Variants in SWT1 observed in about 807,000 individuals in gnomAD.
The protein encoded by SWT1 is SWT1 RNA endoribonuclease homolog.
A neutral mutation model predicts 107.3 loss-of-function variants in SWT1; 33 were observed. The ratio of observed to expected loss-of-function variants is 0.31; its 90% CI spans 0.23 to 0.41. The LOEUF (loss-of-function observed/expected upper bound fraction) is 0.41. Ranked by LOEUF, SWT1 falls within the 10% of genes least tolerant of loss-of-function variation. SWT1 has a pLI of 1.00. For synonymous variants in SWT1, 345 were observed against 348.3 expected, an observed-to-expected ratio of 0.99 and a Z score of 0.11; for missense variants, 898 against 1,028.9, an observed-to-expected ratio of 0.87 and a Z score of 1.74.
At chr1:185,260,883 T>C (rs922764627) in intron 16 of SWT1, among the ~76,000 whole-genome samples, 1 of 151,922 alleles carries the variant, frequency 6.6e-6, no homozygotes, top group Non-Finnish European at 1.5e-5. Flanking sequence ...TAATGACACA[T>C]GAAATTTTTC....
At chr1:185,255,345 C>A (rs1218620773) in intron 16 of SWT1, among the ~76,000 whole-genome samples, 7 of 146,470 alleles carry the variant, frequency 4.8e-5, no homozygotes, top group African/African-American at 1.8e-4. Context: ...TGTTGACTTT[C>A]TGTCACGTTG....
intron 16 of SWT1, chr1:185,262,401 C>A (rs1663083950): frequency 6.6e-6 from 1 of 152,194 alleles, no homozygotes; most frequent in African/African-American, 2.4e-5. Context: ...AAGCATAATG[C>A]TAGAAAGCAA....
In SWT1 at chr1:185,168,322, T is replaced by TAAATGATAGAA; in HGVS notation, c.166-18_166-17insAAATGATAGAA. The TAAATGATAGAA allele has an allele frequency of 1.5e-6, 2 of 1,308,684 alleles. No individual in the cohort carries two copies. The highest frequency in any genetic ancestry group is 1.0e-6 in the Non-Finnish European group (1 of 977,710). The allele number at this position is 1,308,684 out of a possible 1,614,324, so 81.1% of individuals were successfully genotyped here. A position where few individuals can be genotyped will look rare whatever the true frequency, so the allele number is the denominator to read the frequency against. On this transcript the variant is annotated splice_polypyrimidine_tract_variant and intron_variant, in intron 3 of 18. Transcript: ENST00000367500. ...GTACCAGTGCACAATTTATGTGTCC[T>TAAATGATAGAA]TTTTTTATTTATTTCAGAAATCAGA...
chr1:185,221,889 T>C lies in SWT1; in HGVS notation c.2162T>C (p.Val721Ala). The C allele has an allele frequency of 6.2e-7, 1 of 1,605,006 alleles. No homozygotes were observed. The highest frequency in any genetic ancestry group is 8.5e-7 in the Non-Finnish European group (1 of 1,177,220). Reference protein sequence around the residue: ...KLKPNSSENTVTKKQEGTSLK... With the variant: ...KLKPNSSENTATKKQEGTSLK... ...AAGCCAAATTCTTCAGAAAACACAGTGACTAAAAAGCAGGAAGGTACTTCA... is the reference window on the plus strand; with the variant it reads ...AAGCCAAATTCTTCAGAAAACACAGCGACTAAAAAGCAGGAAGGTACTTCA... Residue 721 changes from valine to alanine, a missense_variant, in exon 15 of 19, where the codon GTG becomes GCG. Val to Ala is a moderately conservative substitution (Grantham distance 64, BLOSUM62 0). Coordinates refer to ENST00000367500, the MANE Select transcript of SWT1 (RefSeq NM_017673.7).
At chr1:185,182,338 C>T (rs1350665554) in intron 7 of SWT1, among the ~76,000 whole-genome samples, 1 of 152,044 alleles carries the variant, frequency 6.6e-6, no homozygotes, top group Non-Finnish European at 1.5e-5. Flanking sequence ...GCTGTTATAA[C>T]TTTAACAATT....
chr1:185,182,134 T>C (rs1415588398), intron 7 of SWT1, 77 bp downstream of exon 7: 1 of 1,411,932 alleles, frequency 7.1e-7, no homozygotes, highest in Non-Finnish European at 9.6e-7. Flanking sequence ...ATTTTTATAA[T>C]ATTTAGATGA....
intron 5 of SWT1, among the ~76,000 whole-genome samples, chr1:185,175,934 A>G (rs1369084988): frequency 1.3e-5 from 2 of 152,216 alleles, no homozygotes; most frequent in Non-Finnish European, 2.9e-5. Context: ...ACTTAATAAG[A>G]GAATACACAG....
chr1:185,268,561 G>A (rs1663569227), intron 16 of SWT1, among the ~76,000 whole-genome samples: 1 of 152,140 alleles, frequency 6.6e-6, no homozygotes, highest in Non-Finnish European at 1.5e-5. Flanking sequence ...AATAGTTGTT[G>A]AATGAGAGAA....
chr1:185,208,124 A>G (rs1658479886), intron 13 of SWT1, among the ~76,000 whole-genome samples: 1 of 152,210 alleles, frequency 6.6e-6, no homozygotes, highest in Non-Finnish European at 1.5e-5. Context: ...AGGCCAGATA[A>G]TGAAGAATAG....
intron 1 of SWT1, among the ~76,000 whole-genome samples, chr1:185,158,204 C>A (rs1653801812): frequency 6.6e-6 from 1 of 152,124 alleles, no homozygotes; most frequent in Admixed American, 6.5e-5. Flanking sequence ...GATTATTTGG[C>A]ACTTTGAAGC....
chr1:185,241,565 AT>A (rs1292627057), intron 16 of SWT1, among the ~76,000 whole-genome samples: 4 of 152,110 alleles, frequency 2.6e-5, no homozygotes, highest in Non-Finnish European at 5.9e-5. Context: ...GTAAAAAATA[AT>A]TTTATTTTTT....
chr1:185,186,218 A>C (rs1656451852), intron 9 of SWT1, among the ~76,000 whole-genome samples: 1 of 152,182 alleles, frequency 6.6e-6, no homozygotes, highest in South Asian at 2.1e-4. Context: ...ATGCAGATTG[A>C]TAAGACTCAT....
intron 10 of SWT1, among the ~76,000 whole-genome samples, chr1:185,192,154 C>T (rs1019311192): frequency 2.0e-5 from 3 of 152,186 alleles, no homozygotes; most frequent in African/African-American, 7.2e-5. Flanking sequence ...CTTACATTTA[C>T]AATCATATGT....
At chr1:185,182,101 A>G (rs777700346) in intron 7 of SWT1, 44 bp downstream of exon 7, 16 of 1,561,972 alleles carry the variant, frequency 1.0e-5, no homozygotes, top group African/African-American at 1.4e-5. Context: ...ATGCTTTCCT[A>G]AAAATTAATG....
Position 185,267,240 on chromosome 1 carries a change from G to A in SWT1, c.2442-4083G>A, listed in dbSNP as rs1663471859. Among the ~76,000 whole-genome samples, 3 of 152,164 alleles carry A rather than the reference G, an allele frequency of 2.0e-5. No homozygotes were observed. In the South Asian group the frequency reaches 6.2e-4, roughly 31 times the overall value. On this transcript the variant is annotated intron_variant, in intron 16 of 18. Coordinates refer to ENST00000367500, the MANE Select transcript of SWT1 (RefSeq NM_017673.7). ...CTATGTTGTGCTAAACACTGTAGAT[G>A]CATTACTTAATTCGAACGGTAACTT...
In SWT1 at chr1:185,202,896, A is replaced by G. The variant is rs977981206; in HGVS notation, c.1669+97A>G. The G allele has an allele frequency of 1.4e-5, 9 of 626,644 alleles. No homozygotes were observed. The African/African-American group carries it at 1.7e-4, about 12-fold the overall frequency. 38.8% of individuals were successfully genotyped at this position (626,644 alleles called of 1,614,324 possible). A position where few individuals can be genotyped will look rare whatever the true frequency, so the allele number is the denominator to read the frequency against. On this transcript the variant is annotated intron_variant, in intron 11 of 18. Transcript: ENST00000367500. ...TCGATAGTAAATTTTTATTTTGTAC[A>G]TTTAAAATAACATCGTTTGGAATAC...
At chr1:185,274,196 T>G (rs543211805) in intron 17 of SWT1, among the ~76,000 whole-genome samples, 1 of 150,802 alleles carries the variant, frequency 6.6e-6, no homozygotes, top group Non-Finnish European at 1.5e-5. Context: ...GAAAAAAATT[T>G]AAAAATTAAA....
rs754583521 is a variant in SWT1 at position 185,184,789 on chromosome 1, G to A, written c.1287G>A (p.Glu429=). ...TAATTCCCTGGGTCGTTATGCAAGA[G>A]CTAGATCGTATGAAGGAAGGAAAAC... ...VLIIPWVVMQ[E]LDRMKEGKLL... The change falls in exon 9 of 19, where the codon GAG becomes GAA. Residue 429 remains glutamate, a synonymous_variant. Coordinates refer to ENST00000367500, the MANE Select transcript of SWT1 (RefSeq NM_017673.7). The A allele has an allele frequency of 1.2e-5, 19 of 1,608,852 alleles. No individual in the cohort carries two copies. The highest frequency in any genetic ancestry group is 8.1e-5 in the African/African-American group (6 of 74,512).
At chr1:185,188,231 ATAAC>A (rs1656664479) in intron 9 of SWT1, among the ~76,000 whole-genome samples, 1 of 152,216 alleles carries the variant, frequency 6.6e-6, no homozygotes, top group Non-Finnish European at 1.5e-5. Flanking sequence ...TATTTATTGA[ATAAC>A]TAAAGATTTC....
Sources: gnomAD v4.1 joint callset for allele counts (sites outside exome capture counted in the v4.1 genomes callset) on GRCh38, gnomAD v4.1.1 for gene constraint, MANE v1.5 for transcripts, NCBI Gene and HGNC (gene_info 2026-07-23, HGNC 2026-07-21) for gene names.